Variants in METTL15 observed in about 807,000 individuals in gnomAD.
METTL15 encodes the protein methyltransferase 15, mitochondrial 12S rRNA N4-cytidine.
Under a neutral mutation model 38.3 loss-of-function variants are expected in METTL15, and 34 were observed. The observed-to-expected ratio is 0.89, with a 90% CI of 0.68 to 1.18. The LOEUF (loss-of-function observed/expected upper bound fraction) is 1.18. Among genes scored for constraint, METTL15 ranks in the 50% most tolerant of loss-of-function variants. The probability of loss-of-function intolerance (pLI) is 0.00; values close to 1 mark genes in which losing one functional copy is unlikely to be tolerated. For missense variants in METTL15, 438 were observed against 498.4 expected, an observed-to-expected ratio of 0.88 and a Z score of 1.15; for synonymous variants, 162 against 170.9, an observed-to-expected ratio of 0.95 and a Z score of 0.41.
intron 6 of METTL15, among the ~76,000 whole-genome samples, chr11:28,510,491 C>T (rs1851665112): frequency 6.6e-6 from 1 of 151,932 alleles, no homozygotes; most frequent in African/African-American, 2.4e-5. Flanking sequence ...GAGTAAAATA[C>T]CAATTCTGAT....
At chr11:28,374,902 T>C (rs1363999467) in intron 5 of METTL15, among the ~76,000 whole-genome samples, 1 of 151,714 alleles carries the variant, frequency 6.6e-6, no homozygotes, top group Non-Finnish European at 1.5e-5. Flanking sequence ...TCAAAGGCCT[T>C]TTCTGCATCT....
At chr11:28,488,819 C>T (rs1851458129) in intron 6 of METTL15, among the ~76,000 whole-genome samples, 1 of 152,106 alleles carries the variant, frequency 6.6e-6, no homozygotes, top group African/African-American at 2.4e-5. Flanking sequence ...GCTGTTCCTA[C>T]TTCCTCTTTA....
At chr11:28,176,238 CTG>C (rs1474644544) in intron 3 of METTL15, among the ~76,000 whole-genome samples, 1 of 152,078 alleles carries the variant, frequency 6.6e-6, no homozygotes, top group Non-Finnish European at 1.5e-5. Context: ...TGCTGTTAAA[CTG>C]TTAATCTCTT....
intron 6 of METTL15, among the ~76,000 whole-genome samples, chr11:28,484,101 G>A (rs1333186704): frequency 6.6e-6 from 1 of 152,144 alleles, no homozygotes; most frequent in Non-Finnish European, 1.5e-5. Context: ...TAATAACGGT[G>A]ATGGTGATGA....
At chr11:28,227,570 G>T (rs1853531693) in intron 4 of METTL15, among the ~76,000 whole-genome samples, 1 of 151,864 alleles carries the variant, frequency 6.6e-6, no homozygotes, top group Admixed American at 6.6e-5. Context: ...CATATTGAAA[G>T]AACTGTAATG....
chr11:28,364,656 AC>A (rs917283637), intron 5 of METTL15, among the ~76,000 whole-genome samples: 4 of 152,108 alleles, frequency 2.6e-5, no homozygotes, highest in African/African-American at 9.7e-5. Flanking sequence ...TTCTATTTCT[AC>A]TTGGATGCCT....
At chr11:28,223,823 G>C (rs1036935006) in intron 4 of METTL15, among the ~76,000 whole-genome samples, 11 of 152,044 alleles carry the variant, frequency 7.2e-5, no homozygotes, top group African/African-American at 2.7e-4. Flanking sequence ...TGTATAAGAG[G>C]AAACACATTT....
chr11:28,271,283 G>C (rs1590242521), intron 4 of METTL15, among the ~76,000 whole-genome samples: 1 of 152,158 alleles, frequency 6.6e-6, no homozygotes, highest in East Asian at 1.9e-4. Flanking sequence ...CCCTAAATCT[G>C]AATGAATTCA....
chr11:28,359,971 A>G (rs531393220), intron 4 of METTL15, among the ~76,000 whole-genome samples: 1 of 152,272 alleles, frequency 6.6e-6, no homozygotes, highest in South Asian at 2.1e-4. Context: ...GTACAGAACA[A>G]ATTTGATTCT....
intron 3 of METTL15, among the ~76,000 whole-genome samples, chr11:28,130,235 C>G (rs1590773880): frequency 1.3e-5 from 2 of 152,072 alleles, no homozygotes; most frequent in African/African-American, 4.8e-5. Flanking sequence ...CACACGAGCC[C>G]TGGAGGTCAA....
intron 6 of METTL15, among the ~76,000 whole-genome samples, chr11:28,476,499 C>T (rs546332197): frequency 6.6e-6 from 1 of 152,304 alleles, no homozygotes; most frequent in East Asian, 1.9e-4. Flanking sequence ...CCTTGCAAGC[C>T]AATTTCCATT....
At chr11:28,430,131 G>A (rs1381506569) in intron 6 of METTL15, among the ~76,000 whole-genome samples, 33 of 150,354 alleles carry the variant, frequency 2.2e-4, no homozygotes, top group East Asian at 4.1e-4. Context: ...CAACCACCCC[G>A]TCTGAGAAGT....
chr11:28,140,356 C>T lies in METTL15; in HGVS notation c.270+26752C>T, dbSNP rs567548503. On this transcript the variant is annotated intron_variant, in intron 3 of 6. Coordinates refer to ENST00000407364, the MANE Select transcript of METTL15 (RefSeq NM_001113528.2). The stretch of plus-strand genomic sequence containing the variant: ...CTGGTTTGGAATAAGGCTGACATTC[C>T]CAACCCTTGAGAGTGATAGGGGTTT... Among the ~76,000 whole-genome samples, 3 of 152,252 alleles carry T rather than the reference C, an allele frequency of 2.0e-5. No individual in the cohort carries two copies. The South Asian group carries it at 6.2e-4, about 32-fold the overall frequency.
chr11:28,526,565 A>T (rs1851813704), intron 7 of METTL15: 2 of 152,122 alleles, frequency 1.3e-5, no homozygotes, highest in South Asian at 4.1e-4. Flanking sequence ...CTGTTACATG[A>T]GTCACTTTTC....
intron 6 of METTL15, among the ~76,000 whole-genome samples, chr11:28,426,911 G>T (rs1850870776): frequency 6.6e-6 from 1 of 151,410 alleles, no homozygotes; most frequent in Non-Finnish European, 1.5e-5. Context: ...CTGATGATAG[G>T]TTTTTTTTCT....
At chr11:28,161,566 A>T (rs1850465374) in intron 3 of METTL15, among the ~76,000 whole-genome samples, 1 of 152,206 alleles carries the variant, frequency 6.6e-6, no homozygotes, top group Non-Finnish European at 1.5e-5. Flanking sequence ...ATTTTAGCCA[A>T]AGAAGGAAAA....
At chr11:28,383,385 A>G (rs60975602) in intron 5 of METTL15, among the ~76,000 whole-genome samples, 87 of 152,186 alleles carry the variant, frequency 5.7e-4, no homozygotes, top group African/African-American at 1.9e-3. Flanking sequence ...ATTGAGTTTG[A>G]TTCTACATCT....
intron 4 of METTL15, among the ~76,000 whole-genome samples, chr11:28,273,021 G>A (rs1855706872): frequency 1.3e-5 from 2 of 152,052 alleles, no homozygotes; most frequent in South Asian, 4.1e-4. Flanking sequence ...TGATAAAAAT[G>A]TTTACATTAT....
intron 3 of METTL15, among the ~76,000 whole-genome samples, chr11:28,347,004 A>G (rs945429397): frequency 1.3e-5 from 2 of 152,228 alleles, no homozygotes; most frequent in Admixed American, 6.5e-5. Flanking sequence ...AAAAATGTCT[A>G]TGACTCTTGT....
Sources: allele counts gnomAD v4.1 joint callset (sites outside exome capture counted in the v4.1 genomes callset), GRCh38; gene constraint gnomAD v4.1.1; transcripts MANE v1.5; gene names NCBI Gene and HGNC (gene_info 2026-07-23, HGNC 2026-07-21).